INF2: variants seen among roughly 807,000 people sequenced by gnomAD.
INF2 encodes inverted formin 2.
Under a neutral mutation model 123.5 loss-of-function variants are expected in INF2, and 43 were observed. The observed-to-expected ratio is 0.35, with a 90% CI of 0.27 to 0.45. The LOEUF is 0.45. INF2 is among the 20% of genes least tolerant of loss of function. The pLI is 1.00. For missense variants in INF2, 1,453 were observed against 1,682.7 expected (o/e 0.86, Z 2.39); for synonymous variants, 851 against 745.0 (o/e 1.14, Z -2.32).
intron 11 of INF2, 69 bp downstream of exon 11, chr14:104,709,452 G>C: frequency 1.5e-6 from 2 of 1,367,426 alleles, no homozygotes; most frequent in Non-Finnish European, 2.1e-6. Context: ...TGTCCCGGGG[G>C]CTCCCAGCAG....
chr14:104,705,866 C>T (rs1013459793), intron 5 of INF2, among the ~76,000 whole-genome samples, 169 bp from the exon 6 acceptor site: 31 of 152,318 alleles, frequency 2.0e-4, no homozygotes, highest in Admixed American at 9.1e-4. Context: ...ACTCTTAGGT[C>T]GCTATCCCTG....
At chr14:104,712,107 C>T (rs764702968) in intron 16 of INF2, among the ~76,000 whole-genome samples, 2 of 152,116 alleles carry the variant, frequency 1.3e-5, no homozygotes, top group South Asian at 2.1e-4. Flanking sequence ...GCCTGGGCCA[C>T]CCCACTACAC....
chr14:104,685,569 T>TGGGTG (rs998805441), upstream of INF2, among the ~76,000 whole-genome samples: 4 of 34,268 alleles, frequency 1.2e-4, no homozygotes, highest in African/African-American at 5.1e-4. Context: ...GAAGGGTGAG[T>TGGGTG]GGGTGGATGG....
chr14:104,683,627 G>GACAC (rs141566233), intron 1 of INF2, among the ~76,000 whole-genome samples: 3 of 117,144 alleles, frequency 2.6e-5, no homozygotes, highest in Admixed American at 1.1e-4. Flanking sequence ...CACACACACA[G>GACAC]ACACACACAC....
rs1242293878 is a variant in INF2 at position 104,712,731 on chromosome 14, T to C, written c.2611-97T>C. The C allele has an allele frequency of 1.1e-5, 17 of 1,480,692 alleles. No individual in the cohort carries two copies. The South Asian group carries it at 1.8e-4, about 16-fold the overall frequency. The allele number at this position is 1,480,692 out of a possible 1,614,324, so 91.7% of individuals were successfully genotyped here. Reference sequence around the variant, plus strand: ...GTCAGAGACCACCGTCCTCAGGGCCTGTCCCTGTGGCCGTCACCCTCCCGC... The same window carrying C: ...GTCAGAGACCACCGTCCTCAGGGCCCGTCCCTGTGGCCGTCACCCTCCCGC... On this transcript the variant is annotated intron_variant, in intron 17 of 22. Coordinates refer to ENST00000392634, the MANE Select transcript of INF2 (RefSeq NM_022489.4).
At chr14:104,682,231 C>T (rs895697150) in intron 1 of INF2, among the ~76,000 whole-genome samples, 1 of 152,082 alleles carries the variant, frequency 6.6e-6, no homozygotes, top group Non-Finnish European at 1.5e-5. Context: ...CAGGAGGCAG[C>T]AGTGTGGGGA....
chr14:104,698,060 G>C (rs1439349021), intron 1 of INF2, among the ~76,000 whole-genome samples: 6 of 152,256 alleles, frequency 3.9e-5, no homozygotes. Context: ...GCAAATTCCT[G>C]TGCCTGTGGG....
In INF2 at chr14:104,707,492, T is replaced by A. The variant is rs1889834392; in HGVS notation, c.1225T>A (p.Ser409Thr). The change falls in exon 8 of 23, where the codon TCG becomes ACG. Residue 409 changes from serine (S) to threonine (T), a missense_variant. Ser to Thr is a moderately conservative substitution (Grantham distance 58). This residue lies in a region of INF2 where 374 missense variants were observed against 303.7 expected (regional missense o/e 1.23). Transcript: ENST00000392634. ...CCAGAGTGAGAGCATCCTGAAAGTT[T>A]CGCAGCCCAGAGCCCTGGAGCAGCA... Reference protein sequence around the residue: ...HAQSESILKVSQPRALEQQAS... With the variant: ...HAQSESILKVTQPRALEQQAS... 3.9e-6 allele frequency: 6 copies of A among 1,548,926 alleles called. No homozygotes were observed. In the African/African-American group the frequency reaches 6.9e-5, roughly 18 times the overall value.
chr14:104,702,561 GCGGCAGTTA>G (rs1392311229), intron 2 of INF2, among the ~76,000 whole-genome samples: 1 of 152,234 alleles, frequency 6.6e-6, no homozygotes, highest in Non-Finnish European at 1.5e-5. Flanking sequence ...GCCCATGGGG[GCGGCAGTTA>G]CCTGTGCAGG....
chr14:104,702,519 G>A (rs1318827600), intron 2 of INF2, among the ~76,000 whole-genome samples: 3 of 152,372 alleles, frequency 2.0e-5, no homozygotes, highest in East Asian at 1.9e-4. Context: ...GCTTGGGGAC[G>A]AGCTAGGGTG....
chr14:104,719,939 C>T lies in INF2; in HGVS notation c.*1146C>T, dbSNP rs1890486760. 6.6e-6 allele frequency: 1 copy of T among 152,382 alleles called. No homozygotes were observed. Among genetic ancestry groups the T allele is most frequent in the Admixed American group, 6.5e-5 (1 of 15,294 alleles). The allele number at this position is 152,382 out of a possible 1,614,324, so 9.4% of individuals were successfully genotyped here. Reference sequence around the variant, plus strand: ...CTCTACAGGGGCGTAATTTACAAACCACCAGACTCCCTGGTTATGTGTGTG... The same window carrying T: ...CTCTACAGGGGCGTAATTTACAAACTACCAGACTCCCTGGTTATGTGTGTG... On this transcript the variant is annotated 3_prime_UTR_variant, in exon 23 of 23. Transcript: ENST00000392634.
chr14:104,697,261 C>G (rs1595157995), intron 1 of INF2, among the ~76,000 whole-genome samples: 1 of 152,372 alleles, frequency 6.6e-6, no homozygotes, highest in African/African-American at 2.4e-5. Flanking sequence ...TCGCCTGGCT[C>G]CTGGGAGGCA....
intron 1 of INF2, among the ~76,000 whole-genome samples, chr14:104,694,977 A>G (rs1378533860): frequency 6.6e-6 from 1 of 151,996 alleles, no homozygotes; most frequent in Non-Finnish European, 1.5e-5. Context: ...TCCCCCTCCC[A>G]GGTTGAGAGA....
At chr14:104,698,303 C>G (rs1889292403) in intron 1 of INF2, among the ~76,000 whole-genome samples, 1 of 152,222 alleles carries the variant, frequency 6.6e-6, no homozygotes, top group African/African-American at 2.4e-5. Flanking sequence ...ACTGTGGATT[C>G]CTTCTGGAAT....
At chr14:104,700,696 G>C (rs1004696333) in intron 1 of INF2, among the ~76,000 whole-genome samples, 7 of 152,132 alleles carry the variant, frequency 4.6e-5, no homozygotes, top group African/African-American at 1.4e-4. Flanking sequence ...CAGACCTGTT[G>C]CGACTGAATC....
chr14:104,701,862 G>A (rs1449381709), intron 2 of INF2, 106 bp downstream of exon 2: 7 of 1,260,514 alleles, frequency 5.6e-6, no homozygotes, highest in South Asian at 1.6e-5. Flanking sequence ...AGGAGGAAGC[G>A]CAGCCAGGCA....
chr14:104,686,866 C>T (rs200997050), upstream of INF2, among the ~76,000 whole-genome samples: 55 of 152,186 alleles, frequency 3.6e-4, no homozygotes, highest in Non-Finnish European at 5.4e-4. Context: ...CTCAAGCTGT[C>T]GGTGCCAAGG....
Position 104,710,106 on chromosome 14 carries a change from G to A in INF2, c.2157G>A (p.Glu719=), listed in dbSNP as rs925997581. 104 of 1,552,280 alleles carry A rather than the reference G, an allele frequency of 6.7e-5. No individual in the cohort carries two copies. The highest frequency in any genetic ancestry group is 8.9e-5 in the Non-Finnish European group (102 of 1,148,480). The stretch of plus-strand genomic sequence containing the variant: ...TCCCCAGCTACCAGCTGCGAATCGA[G>A]TGCATGCTGCTGTGTGAGGGCGCGG... ...LAIPCYQLRI[E]CMLLCEGAAA... Residue 719 remains glutamate (E), a synonymous_variant, in exon 13 of 23, where the codon GAG becomes GAA. Transcript: ENST00000392634.
rs1488734518 is a variant in INF2, at chr14:104,710,107, T to C, written c.2158T>C (p.Cys720Arg). Residue 720 changes from cysteine (C) to arginine (R), a missense_variant, in exon 13 of 23, where the codon TGC becomes CGC. Coordinates refer to ENST00000392634, the MANE Select transcript of INF2 (RefSeq NM_022489.4). ...AIPCYQLRIE[C>R]MLLCEGAAAV... Reference sequence around the variant, plus strand: ...CCCCAGCTACCAGCTGCGAATCGAGTGCATGCTGCTGTGTGAGGGCGCGGC... The same window carrying C: ...CCCCAGCTACCAGCTGCGAATCGAGCGCATGCTGCTGTGTGAGGGCGCGGC... 2 of 1,552,230 alleles carry C rather than the reference T, an allele frequency of 1.3e-6. No homozygotes were observed. The highest frequency in any genetic ancestry group is 8.7e-7 in the Non-Finnish European group (1 of 1,148,464).
Sources: gnomAD v4.1 joint callset for allele counts (sites outside exome capture counted in the v4.1 genomes callset) on GRCh38, gnomAD v4.1.1 for gene constraint, gnomAD v4.1.1 regional missense constraint, MANE v1.5 for transcripts, NCBI Gene and HGNC (gene_info 2026-07-23, HGNC 2026-07-21) for gene names.